Variants in RPH3A observed in about 807,000 individuals in gnomAD.
RPH3A encodes the protein rabphilin 3A.
Under a neutral mutation model 102.2 loss-of-function variants are expected in RPH3A, and 48 were observed. The ratio of observed to expected loss-of-function variants is 0.47; its 90% CI spans 0.37 to 0.60. The LOEUF is 0.60. Ranked by LOEUF, RPH3A falls within the 20% of genes least tolerant of loss-of-function variation. The probability of loss-of-function intolerance (pLI) is 0.00; values close to 1 mark genes in which losing one functional copy is unlikely to be tolerated. For missense variants in RPH3A, 781 were observed against 910.1 expected (o/e 0.86, Z 1.83); for synonymous variants, 310 against 324.3 (o/e 0.96, Z 0.47).
intron 3 of RPH3A, among the ~76,000 whole-genome samples, chr12:112,829,807 A>G (rs2041938023): frequency 1.3e-5 from 2 of 152,232 alleles, no homozygotes; most frequent in South Asian, 4.1e-4. Flanking sequence ...GGTAGCCATG[A>G]AGACAAATAA....
chr12:112,624,336 A>C (rs2039756075), intron 1 of RPH3A, among the ~76,000 whole-genome samples: 1 of 151,196 alleles, frequency 6.6e-6, no homozygotes, highest in Non-Finnish European at 1.5e-5. Context: ...GAAAAAAAGA[A>C]GAATCAAATA....
chr12:112,890,734 C>T, intron 18 of RPH3A, 115 bp from the exon 19 acceptor site: 1 of 1,182,342 alleles, frequency 8.5e-7, no homozygotes, highest in Non-Finnish European at 1.2e-6. Context: ...GGTACTGGCT[C>T]CCTAGAGCTG....
intron 15 of RPH3A, 71 bp downstream of exon 15, chr12:112,881,917 C>T: frequency 7.8e-7 from 1 of 1,278,818 alleles, no homozygotes; most frequent in Non-Finnish European, 1.1e-6. Context: ...GTTCTCAGCT[C>T]AGAGCCCAAA....
chr12:112,722,991 A>C (rs1376491300), intron 1 of RPH3A, among the ~76,000 whole-genome samples: 5 of 152,252 alleles, frequency 3.3e-5, no homozygotes, highest in Non-Finnish European at 5.9e-5. Flanking sequence ...CTTATTAGAC[A>C]CTAAGAGAAG....
At chr12:112,888,781 C>T (rs2043045489) in intron 17 of RPH3A, among the ~76,000 whole-genome samples, 1 of 152,224 alleles carries the variant, frequency 6.6e-6, no homozygotes, top group Non-Finnish European at 1.5e-5. Context: ...GATTCTAAAA[C>T]CAGAGCTTTA....
intron 3 of RPH3A, chr12:112,831,792 T>C (rs11066430): frequency 0.11 from 50,321 of 455,662 alleles, 8,147 homozygotes; most frequent in African/African-American, 0.51. Flanking sequence ...TGCTTTCAAG[T>C]GTCTGTTAAG....
chr12:112,834,469 A>G (rs2042018516), intron 3 of RPH3A, among the ~76,000 whole-genome samples: 1 of 152,196 alleles, frequency 6.6e-6, no homozygotes, highest in African/African-American at 2.4e-5. Flanking sequence ...CTAAGAGTGG[A>G]GTGTTTCAGT....
At chr12:112,621,007 A>ATTT (rs200365954) in intron 1 of RPH3A, among the ~76,000 whole-genome samples, 1 of 141,970 alleles carries the variant, frequency 7.0e-6, no homozygotes, top group African/African-American at 2.9e-5. Context: ...TTTTAACATT[A>ATTT]TTATTTTTTT....
chr12:112,816,469 G>A (rs2041673013), intron 2 of RPH3A, among the ~76,000 whole-genome samples: 1 of 152,194 alleles, frequency 6.6e-6, no homozygotes, highest in African/African-American at 2.4e-5. Flanking sequence ...CCCAGGCTGA[G>A]GAAGGCTCTA....
intron 1 of RPH3A, among the ~76,000 whole-genome samples, chr12:112,645,096 T>C (rs920953549): frequency 6.6e-6 from 1 of 152,174 alleles, no homozygotes; most frequent in African/African-American, 2.4e-5. Flanking sequence ...TTCTGACTGA[T>C]AGTCAAACAG....
At chr12:112,813,513 T>G (rs2041617224) in intron 2 of RPH3A, 1 of 152,238 alleles carries the variant, frequency 6.6e-6, no homozygotes, top group South Asian at 2.1e-4. Flanking sequence ...GAAGTGGCCT[T>G]GGATTTCTTA....
At chr12:112,853,157 A>G (rs935208872) in intron 5 of RPH3A, among the ~76,000 whole-genome samples, 2 of 152,166 alleles carry the variant, frequency 1.3e-5, no homozygotes, top group Non-Finnish European at 2.9e-5. Flanking sequence ...AGAAGTGAGT[A>G]ATAATGCCTG....
chr12:112,786,749 A>G (rs947838047), upstream of RPH3A, among the ~76,000 whole-genome samples: 1 of 152,166 alleles, frequency 6.6e-6, no homozygotes, highest in African/African-American at 2.4e-5. Context: ...CCGATTTGCT[A>G]TGGGCTTCTT....
chr12:112,816,768 T>A (rs1840123417), intron 2 of RPH3A, among the ~76,000 whole-genome samples: 1 of 152,190 alleles, frequency 6.6e-6, no homozygotes, highest in South Asian at 2.1e-4. Context: ...CTCCATGTAC[T>A]TACTCTGGTT....
Position 112,688,948 on chromosome 12 carries a change from G to A in RPH3A, c.-139-103195G>A, listed in dbSNP as rs139863791. Among the ~76,000 whole-genome samples the A allele has an allele frequency of 1.4e-3, 218 of 152,320 alleles. 1 individual carries two copies. Among genetic ancestry groups the A allele is most frequent in the African/African-American group, 4.9e-3 (204 of 41,564 alleles). ...TTATTCAAGTCCTCCCTGCTAGTAA[G>A]TGGTTGCACACTTACTAAGAAAGAC... On this transcript the variant is annotated intron_variant, in intron 1 of 21. Transcript: ENST00000543106.
intron 12 of RPH3A, 59 bp from the exon 13 acceptor site, chr12:112,876,583 G>A: frequency 8.1e-7 from 1 of 1,235,758 alleles, no homozygotes; most frequent in South Asian, 1.5e-5. Context: ...ATGTCCCTAG[G>A]TGCTGCTGTT....
In RPH3A at chr12:112,724,062, T is replaced by G. The variant is rs543826641; in HGVS notation, c.-139-68081T>G. ...TCTTAAATTTTTTTGATTTTTTTTT[T>G]TTTTTTTTTTGGAGACAGGATCTAT... is the stretch of plus-strand genomic sequence containing the variant. On this transcript the variant is annotated intron_variant, in intron 1 of 21. Coordinates refer to the RPH3A transcript ENST00000543106. Among the ~76,000 whole-genome samples, 17 of 149,016 alleles carry G rather than the reference T, an allele frequency of 1.1e-4. No individual in the cohort carries two copies. The South Asian group carries it at 3.7e-3, about 32-fold the overall frequency.
In RPH3A at chr12:112,791,903, A is replaced by AGAGAGAGAGAGAGAGAGAGAGAGAGACT. The variant is rs1565882498; in HGVS notation, c.-247_-246insGAGAGAGAGAGAGAGAGAGAGAGACTGA. 1 of 150,206 alleles carries AGAGAGAGAGAGAGAGAGAGAGAGAGACT rather than the reference A, an allele frequency of 6.7e-6. No homozygotes were observed. Among genetic ancestry groups the AGAGAGAGAGAGAGAGAGAGAGAGAGACT allele is most frequent in the African/African-American group, 2.4e-5 (1 of 41,018 alleles). The allele number at this position is 150,206 out of a possible 1,614,324, so 9.3% of individuals were successfully genotyped here. On this transcript the variant is annotated 5_prime_UTR_variant, in exon 1 of 22. Coordinates refer to ENST00000389385, the MANE Select transcript of RPH3A (RefSeq NM_001143854.2). ...GAGAGAGAGAGAGAGAGAGAGAGAG[A>AGAGAGAGAGAGAGAGAGAGAGAGAGACT]GACTCACAGAGCTAAAACCTTCATC...
chr12:112,813,109 T>C (rs1046437594), intron 2 of RPH3A, among the ~76,000 whole-genome samples: 3 of 152,066 alleles, frequency 2.0e-5, no homozygotes, highest in Admixed American at 1.3e-4. Context: ...CATAGAGAGG[T>C]TAAGTAACCA....
Sources: allele counts gnomAD v4.1 joint callset (sites outside exome capture counted in the v4.1 genomes callset), GRCh38; gene constraint gnomAD v4.1.1; transcripts MANE v1.5; gene names NCBI Gene and HGNC (gene_info 2026-07-23, HGNC 2026-07-21).